Variants in ACTR3C observed in about 807,000 individuals in gnomAD.
ACTR3C encodes the protein actin-related protein 3C.
A neutral mutation model predicts 26.3 loss-of-function variants in ACTR3C; 18 were observed. The observed-to-expected ratio is 0.68, with a 90% CI of 0.47 to 1.01. The LOEUF (loss-of-function observed/expected upper bound fraction) is 1.01. Among genes scored for constraint, ACTR3C ranks in the 50% least tolerant of loss-of-function variants. ACTR3C has a pLI of 0.00. For missense variants in ACTR3C, 184 were observed against 250.7 expected (o/e 0.73, Z 1.80); for synonymous variants, 55 against 94.5 (o/e 0.58, Z 2.42).
At chr7:150,161,956 A>T in the ACTR3C span, among the ~76,000 whole-genome samples, 1 of 152,136 alleles carries the variant, frequency 6.6e-6, no homozygotes, top group Non-Finnish European at 1.5e-5. Flanking sequence ...AAAATACATC[A>T]GTCATATACT....
chr7:150,064,868 G>T, the ACTR3C span, among the ~76,000 whole-genome samples: 30 of 152,148 alleles, frequency 2.0e-4, no homozygotes, highest in Admixed American at 2.0e-3. Flanking sequence ...TAAATATATG[G>T]TACTACTATG....
the ACTR3C span, among the ~76,000 whole-genome samples, chr7:150,151,389 T>C: frequency 7.3e-6 from 1 of 137,918 alleles, no homozygotes; most frequent in African/African-American, 2.5e-5. Flanking sequence ...ATTAATTTAT[T>C]TCTATAACTA....
the ACTR3C span, among the ~76,000 whole-genome samples, chr7:150,140,247 G>A: frequency 6.6e-6 from 1 of 152,186 alleles, no homozygotes; most frequent in Non-Finnish European, 1.5e-5. Flanking sequence ...AAGGTGAAGA[G>A]CGCATTCCTA....
chr7:149,999,686 G>A, the ACTR3C span, among the ~76,000 whole-genome samples: 5 of 151,638 alleles, frequency 3.3e-5, no homozygotes, highest in African/African-American at 4.8e-5. Context: ...CTGCTAGGAG[G>A]CCAGCAAGCG....
chr7:149,921,680 C>A, the ACTR3C span, among the ~76,000 whole-genome samples: 1 of 152,042 alleles, frequency 6.6e-6, no homozygotes, highest in Non-Finnish European at 1.5e-5. Context: ...AGTTCAAGAC[C>A]AGCCTGGCCA....
the ACTR3C span, among the ~76,000 whole-genome samples, chr7:150,175,124 A>T: frequency 6.9e-6 from 1 of 144,976 alleles, no homozygotes; most frequent in Non-Finnish European, 1.5e-5. Flanking sequence ...ATAAAGTATG[A>T]TTCTAGCAAT....
the ACTR3C span, among the ~76,000 whole-genome samples, chr7:149,983,449 G>GTGTGTGTGTGTGTATATATATATATA: frequency 1.3e-4 from 3 of 23,324 alleles, no homozygotes; most frequent in African/African-American, 4.3e-4. Flanking sequence ...GTGTGTGTGT[G>GTGTGTGTGTGTGTATATATATATATA]TATATATATA....
chr7:150,127,518 C>A, the ACTR3C span, among the ~76,000 whole-genome samples: 6 of 151,882 alleles, frequency 4.0e-5, no homozygotes, highest in Admixed American at 3.9e-4. Context: ...CCACAAAATT[C>A]TGCAGCAGCG....
chr7:150,005,613 G>T, the ACTR3C span, among the ~76,000 whole-genome samples: 3 of 152,078 alleles, frequency 2.0e-5, no homozygotes, highest in Non-Finnish European at 2.9e-5. Flanking sequence ...TGTGGTGAGG[G>T]GGGGAAGAGG....
At position 150,295,285 on chromosome 7, in the gene ACTR3C, T is replaced by C. The variant is rs548059047; in HGVS notation, c.12A>G (p.Ser4=). MFE[S]FNVPGLYIAV... is the part of the protein sequence containing the mutation. ...CAATGTAGAGTCCTGGAACGTTAAA[T>C]GATTCGAACATAATTTCTGCAAGAT... The change falls in exon 2 of 8, where the codon TCA becomes TCG. Residue 4 remains serine (S), a synonymous_variant. Transcript: ENST00000683684. 120 of 1,614,038 alleles carry C rather than the reference T, an allele frequency of 7.4e-5. 1 individual carries two copies. Among genetic ancestry groups the C allele is most frequent in the Admixed American group, 5.7e-4 (34 of 60,026 alleles).
At chr7:150,179,751 A>G in the ACTR3C span, among the ~76,000 whole-genome samples, 9 of 151,874 alleles carry the variant, frequency 5.9e-5, 1 homozygote, top group African/African-American at 1.2e-4. Flanking sequence ...TTGGCCTACC[A>G]AAGTGCTGGG....
At chr7:150,157,225 A>C in the ACTR3C span, among the ~76,000 whole-genome samples, 1 of 151,820 alleles carries the variant, frequency 6.6e-6, no homozygotes, top group Non-Finnish European at 1.5e-5. Context: ...GATCCAAAAC[A>C]TGTTCTTCAG....
chr7:150,231,813 T>C, the ACTR3C span, among the ~76,000 whole-genome samples: 2 of 152,092 alleles, frequency 1.3e-5, no homozygotes, highest in Non-Finnish European at 2.9e-5. Flanking sequence ...GTATGTTCTA[T>C]AGAAGCTTGG....
At chr7:150,089,370 C>T in the ACTR3C span, among the ~76,000 whole-genome samples, 27 of 152,250 alleles carry the variant, frequency 1.8e-4, no homozygotes, top group African/African-American at 5.5e-4. Context: ...ATGTGAGGCT[C>T]CATGCAATCA....
chr7:149,906,193 A>T, the ACTR3C span, among the ~76,000 whole-genome samples: 1 of 152,166 alleles, frequency 6.6e-6, no homozygotes, highest in Admixed American at 6.5e-5. Flanking sequence ...TCACAAAACG[A>T]TGTATCTTTG....
At chr7:150,303,021 A>T (rs1415660097) in intron 1 of ACTR3C, 2 of 152,266 alleles carry the variant, frequency 1.3e-5, no homozygotes, top group African/African-American at 4.8e-5. Flanking sequence ...CACCACTATG[A>T]CAGGCATTGA....
At chr7:150,102,654 G>A in the ACTR3C span, among the ~76,000 whole-genome samples, 4 of 151,884 alleles carry the variant, frequency 2.6e-5, no homozygotes, top group Non-Finnish European at 2.9e-5. Flanking sequence ...TGTCACCTTC[G>A]CGGAGACATC....
chr7:150,284,147 G>A (rs1835572428), intron 6 of ACTR3C, among the ~76,000 whole-genome samples: 1 of 152,198 alleles, frequency 6.6e-6, no homozygotes, highest in African/African-American at 2.4e-5. Context: ...AAGCATGGAG[G>A]AGGGCATCAC....
the ACTR3C span, among the ~76,000 whole-genome samples, chr7:150,112,395 C>A: frequency 6.6e-6 from 1 of 152,226 alleles, no homozygotes; most frequent in African/African-American, 2.4e-5. Flanking sequence ...GGCACACACA[C>A]GTCACCACAC....
Sources: allele counts gnomAD v4.1 joint callset (sites outside exome capture counted in the v4.1 genomes callset), GRCh38; gene constraint gnomAD v4.1.1; transcripts MANE v1.5; gene names NCBI Gene and HGNC (gene_info 2026-07-23, HGNC 2026-07-21).